MFAP5: variants seen among roughly 807,000 people sequenced by gnomAD.
MFAP5 encodes microfibrillar-associated protein 5.
A neutral mutation model predicts 30.1 loss-of-function variants in MFAP5; 19 were observed. The ratio of observed to expected loss-of-function variants is 0.63; its 90% CI spans 0.44 to 0.93. The LOEUF (loss-of-function observed/expected upper bound fraction) is 0.93. Ranked by LOEUF, MFAP5 falls within the 40% of genes least tolerant of loss-of-function variation. The pLI, the probability that MFAP5 is intolerant of heterozygous loss-of-function variation, is 0.00. For synonymous variants in MFAP5, 92 were observed against 72.9 expected (o/e 1.26, Z -1.33); for missense variants, 210 against 221.3 (o/e 0.95, Z 0.32).
intron 7 of MFAP5, among the ~76,000 whole-genome samples, chr12:8,651,354 A>G (rs1389154709): frequency 3.3e-5 from 5 of 152,184 alleles, no homozygotes; most frequent in Non-Finnish European, 7.3e-5. Flanking sequence ...CCGTGGTAAT[A>G]TGGAGTCCTT....
At chr12:8,658,093 A>C (rs184429629) in intron 3 of MFAP5, among the ~76,000 whole-genome samples, 124 of 152,328 alleles carry the variant, frequency 8.1e-4, no homozygotes, top group Non-Finnish European at 1.6e-3. Flanking sequence ...TCATGCCTGT[A>C]ATCCCAGCAT....
chr12:8,654,419 TC>T lies in MFAP5; in HGVS notation c.217+17del. On this transcript the variant is annotated intron_variant, in intron 6 of 9. Coordinates refer to ENST00000359478, the MANE Select transcript of MFAP5 (RefSeq NM_003480.4). ...TAGAATGGCCCTGATGACCTGGGGG[TC>T]CCAGATCTGAACTCACCCAAGTCAT... 1 of 1,591,100 alleles carries T rather than the reference TC, an allele frequency of 6.3e-7. No homozygotes were observed. Among genetic ancestry groups the T allele is most frequent in the Non-Finnish European group, 8.6e-7 (1 of 1,168,120 alleles).
chr12:8,659,357 T>G (rs1942087647), intron 3 of MFAP5, among the ~76,000 whole-genome samples: 1 of 151,052 alleles, frequency 6.6e-6, no homozygotes, highest in Admixed American at 6.6e-5. Flanking sequence ...CAGGCTGATC[T>G]CAAACTCATG....
chr12:8,656,205 C>CGCCCG (rs1941980686), intron 3 of MFAP5, among the ~76,000 whole-genome samples: 1 of 151,492 alleles, frequency 6.6e-6, no homozygotes, highest in African/African-American at 2.4e-5. Context: ...GGACTACAGG[C>CGCCCG]GCCCGCCACA....
At chr12:8,656,801 G>A (rs999229457) in intron 3 of MFAP5, among the ~76,000 whole-genome samples, 6 of 151,674 alleles carry the variant, frequency 4.0e-5, no homozygotes, top group Non-Finnish European at 8.8e-5. Context: ...CAGAGTAGCT[G>A]GGATTACAGG....
Position 8,658,344 on chromosome 12 carries a change from C to G in MFAP5, c.95-2514G>C, listed in dbSNP as rs149304831. ...CAGCCTGGGACAGAGTGAGACTCTGCCAAAAAAAAAATTCATCAGGCTTGA... is the reference window on the plus strand; with the variant it reads ...CAGCCTGGGACAGAGTGAGACTCTGGCAAAAAAAAAATTCATCAGGCTTGA... On this transcript the variant is annotated intron_variant, in intron 3 of 9. Coordinates refer to ENST00000359478, the MANE Select transcript of MFAP5 (RefSeq NM_003480.4). Among the ~76,000 whole-genome samples, 65 of 151,356 alleles carry G rather than the reference C, an allele frequency of 4.3e-4. No individual in the cohort carries two copies. In the East Asian group the frequency reaches 0.012, roughly 28 times the overall value.
At chr12:8,661,755 AT>A (rs1942158649) in intron 2 of MFAP5, among the ~76,000 whole-genome samples, 1 of 151,852 alleles carries the variant, frequency 6.6e-6, no homozygotes, top group Non-Finnish European at 1.5e-5. Flanking sequence ...TTGCTTTGCA[AT>A]TTGTTTACTC....
intron 5 of MFAP5, 103 bp downstream of exon 5, chr12:8,655,312 A>G: frequency 4.4e-6 from 5 of 1,143,704 alleles, no homozygotes; most frequent in Non-Finnish European, 6.2e-6. Context: ...AACAAAAAAC[A>G]AAAGCAAATA....
chr12:8,655,893 C>A, intron 3 of MFAP5, 63 bp from the exon 4 acceptor site: 1 of 1,459,748 alleles, frequency 6.9e-7, no homozygotes, highest in Admixed American at 1.7e-5. Context: ...CTTGCACTTC[C>A]AGTAAGTTAA....
chr12:8,656,725 A>G (rs12812133), intron 3 of MFAP5, among the ~76,000 whole-genome samples: 10,358 of 145,854 alleles, frequency 0.071, 434 homozygotes, highest in Middle Eastern at 0.1. Context: ...GGAATACAGC[A>G]GCGCACGATC....
At chr12:8,651,498 A>T (rs968178679) in intron 7 of MFAP5, among the ~76,000 whole-genome samples, 164 bp downstream of exon 7, 1 of 152,066 alleles carries the variant, frequency 6.6e-6, no homozygotes. Flanking sequence ...ACAGGTGCTC[A>T]TTTTTTTAAA....
At chr12:8,660,502 A>T (rs775414247) in intron 3 of MFAP5, among the ~76,000 whole-genome samples, 1 of 151,872 alleles carries the variant, frequency 6.6e-6, no homozygotes, top group Non-Finnish European at 1.5e-5. Context: ...TCATTTTTCC[A>T]CTGTTACATG....
At chr12:8,661,550 C>CA (rs1173741000) in intron 2 of MFAP5, among the ~76,000 whole-genome samples, 1 of 141,828 alleles carries the variant, frequency 7.1e-6, no homozygotes, top group Non-Finnish European at 1.6e-5. Flanking sequence ...TTCTTTTTTC[C>CA]TTTTTTTTTT....
At chr12:8,653,065 G>A (rs1032645080) in intron 6 of MFAP5, among the ~76,000 whole-genome samples, 7 of 151,918 alleles carry the variant, frequency 4.6e-5, no homozygotes, top group African/African-American at 1.5e-4. Flanking sequence ...GGTGGTGGGC[G>A]CCTGTAATCC....
intron 3 of MFAP5, among the ~76,000 whole-genome samples, chr12:8,658,314 C>T (rs1480711194): frequency 1.3e-5 from 2 of 152,072 alleles, no homozygotes; most frequent in Admixed American, 1.3e-4. Context: ...CTTGCCACTG[C>T]ACTCCAGCCT....
At chr12:8,648,915 CA>C (rs1462147709) in intron 9 of MFAP5, among the ~76,000 whole-genome samples, 1 of 152,234 alleles carries the variant, frequency 6.6e-6, no homozygotes, top group East Asian at 1.9e-4. Context: ...TCTACAACCA[CA>C]CATTTTGGGC....
At chr12:8,654,375 A>T in intron 6 of MFAP5, 62 bp downstream of exon 6, 1 of 1,483,868 alleles carries the variant, frequency 6.7e-7, no homozygotes. Context: ...ACTATCCAGA[A>T]TGGGCTCTGG....
At position 8,650,416 on chromosome 12, in the gene MFAP5, A is replaced by T. The variant is rs529781962; in HGVS notation, c.335+86T>A. On this transcript the variant is annotated intron_variant, in intron 8 of 9. Transcript: ENST00000359478. ...AACTTTGGCCCCATCAAAGTTTGCAATTCCATAGTGGGTGCTCATTAAATA... is the reference window on the plus strand; with the variant it reads ...AACTTTGGCCCCATCAAAGTTTGCATTTCCATAGTGGGTGCTCATTAAATA... 1.9e-5 allele frequency: 26 copies of T among 1,392,740 alleles called. No homozygotes were observed. The South Asian group carries it at 3.1e-4, about 17-fold the overall frequency. The allele number at this position is 1,392,740 out of a possible 1,614,324, so 86.3% of individuals were successfully genotyped here.
chr12:8,650,061 T>C lies in MFAP5; in HGVS notation c.335+441A>G, dbSNP rs998448305. On this transcript the variant is annotated intron_variant, in intron 8 of 9. Coordinates refer to ENST00000359478, the MANE Select transcript of MFAP5 (RefSeq NM_003480.4). The stretch of plus-strand genomic sequence containing the variant: ...TTTTTCATTGTTTAGTTACTTCATT[T>C]AGAATAATGACCTCCAGCTCCATCC... Among the ~76,000 whole-genome samples the C allele has an allele frequency of 3.3e-5, 5 of 152,236 alleles. 1 individual carries two copies. The highest frequency in any genetic ancestry group is 6.3e-3 in the Middle Eastern group (2 of 316).
Sources: gnomAD v4.1 joint callset for allele counts (sites outside exome capture counted in the v4.1 genomes callset) on GRCh38, gnomAD v4.1.1 for gene constraint, MANE v1.5 for transcripts, NCBI Gene and HGNC (gene_info 2026-07-23, HGNC 2026-07-21) for gene names.